CNTN6: variants seen among roughly 807,000 people sequenced by gnomAD.
The protein encoded by CNTN6 is contactin 6.
Under a neutral mutation model 122.8 loss-of-function variants are expected in CNTN6, and 137 were observed. That is an observed-to-expected ratio of 1.12 (90% CI 0.97 to 1.29). CNTN6 has a LOEUF of 1.29. Among genes scored for constraint, CNTN6 ranks in the 50% most tolerant of loss-of-function variants. The pLI, the probability that CNTN6 is intolerant of heterozygous loss-of-function variation, is 0.00. For missense variants in CNTN6, 1,634 were observed against 1,223.4 expected (o/e 1.34, Z -5.01); for synonymous variants, 570 against 426.0 (o/e 1.34, Z -4.16).
chr3:1,315,252 A>C (rs946770813), intron 7 of CNTN6, among the ~76,000 whole-genome samples: 1 of 151,988 alleles, frequency 6.6e-6, no homozygotes, highest in Non-Finnish European at 1.5e-5. Flanking sequence ...TTGAAGCAAA[A>C]CGAACTCCTA....
chr3:1,354,838 CT>C (rs1706292880), intron 12 of CNTN6, among the ~76,000 whole-genome samples: 1 of 151,382 alleles, frequency 6.6e-6, no homozygotes, highest in Non-Finnish European at 1.5e-5. Flanking sequence ...AAAAACCAAC[CT>C]TTTTACATGC....
At chr3:1,363,029 C>T (rs969940761) in intron 12 of CNTN6, among the ~76,000 whole-genome samples, 1 of 151,648 alleles carries the variant, frequency 6.6e-6, no homozygotes, top group Non-Finnish European at 1.5e-5. Context: ...ATTTAAAAAT[C>T]CCCCCAAATA....
chr3:1,193,049 T>A (rs1244576544), intron 2 of CNTN6, among the ~76,000 whole-genome samples: 1 of 152,212 alleles, frequency 6.6e-6, no homozygotes, highest in Non-Finnish European at 1.5e-5. Flanking sequence ...TACATTAGTA[T>A]GTTACATGTA....
chr3:1,244,634 T>C (rs112004619), intron 4 of CNTN6, among the ~76,000 whole-genome samples: 6,625 of 147,618 alleles, frequency 0.045, 311 homozygotes, highest in East Asian at 0.12. Context: ...CATGCGTGTC[T>C]GTGTGAAGAG....
intron 11 of CNTN6, among the ~76,000 whole-genome samples, chr3:1,338,046 C>G (rs965217733): frequency 1.3e-5 from 2 of 152,106 alleles, no homozygotes; most frequent in Non-Finnish European, 2.9e-5. Context: ...GCCTGCCTAA[C>G]TCAATGTACG....
At chr3:1,129,342 G>A (rs576826105) in intron 1 of CNTN6, among the ~76,000 whole-genome samples, 1 of 152,138 alleles carries the variant, frequency 6.6e-6, no homozygotes, top group South Asian at 2.1e-4. Flanking sequence ...TATTGCATCT[G>A]GGTAATCCTC....
intron 4 of CNTN6, among the ~76,000 whole-genome samples, chr3:1,250,425 C>T (rs1477831469): frequency 6.6e-6 from 1 of 152,112 alleles, no homozygotes; most frequent in Non-Finnish European, 1.5e-5. Context: ...ATAAAATTGT[C>T]CTCCCCTGAG....
intron 4 of CNTN6, among the ~76,000 whole-genome samples, chr3:1,251,250 A>G (rs185584110): frequency 3.3e-5 from 5 of 152,262 alleles, no homozygotes; most frequent in African/African-American, 9.6e-5. Flanking sequence ...GACTTTGTCA[A>G]TGTCTAAAGT....
In CNTN6 at chr3:1,286,794, C is replaced by A. The variant is rs569342899; in HGVS notation, c.454+8286C>A. ...TGTATTCAGTATCTCACATGGAGAC[C>A]CATCTCACATGCAAAGACACATAGG... On this transcript the variant is annotated intron_variant, in intron 5 of 22. Transcript: ENST00000446702. Among the ~76,000 whole-genome samples, 5 of 152,126 alleles carry A rather than the reference C, an allele frequency of 3.3e-5. No individual in the cohort carries two copies. The South Asian group carries it at 8.3e-4, about 25-fold the overall frequency.
Position 1,235,574 on chromosome 3 carries a change from G to A in CNTN6, c.358+7581G>A, listed in dbSNP as rs1160654460. ...AGGTGTTTAAATAGCAAATACAGGA[G>A]AGAAGATGGCGGATAAGCAGCAAGA... is the stretch of plus-strand genomic sequence containing the variant. On this transcript the variant is annotated intron_variant, in intron 4 of 22. Coordinates refer to ENST00000446702, the MANE Select transcript of CNTN6 (RefSeq NM_001289080.2). Among the ~76,000 whole-genome samples the A allele has an allele frequency of 5.9e-5, 9 of 152,138 alleles. 1 individual carries two copies. Among genetic ancestry groups the A allele is most frequent in the African/African-American group, 2.4e-5 (1 of 41,438 alleles).
chr3:1,204,315 T>A (rs1404567692), intron 2 of CNTN6, among the ~76,000 whole-genome samples: 1 of 152,184 alleles, frequency 6.6e-6, no homozygotes, highest in Non-Finnish European at 1.5e-5. Flanking sequence ...TTAGTTGTTT[T>A]GTGTACTTGA....
intron 12 of CNTN6, among the ~76,000 whole-genome samples, chr3:1,359,338 T>C (rs1707109657): frequency 6.6e-6 from 1 of 152,086 alleles, no homozygotes; most frequent in Non-Finnish European, 1.5e-5. Context: ...TGTGTTTACA[T>C]TTTACAATAT....
intron 4 of CNTN6, among the ~76,000 whole-genome samples, chr3:1,268,560 TTGAGC>T (rs1288150389): frequency 1.1e-4 from 15 of 135,370 alleles, no homozygotes; most frequent in South Asian, 2.5e-4. Context: ...TGAGCCGAGA[TTGAGC>T]CACTGCACTC....
intron 20 of CNTN6, among the ~76,000 whole-genome samples, chr3:1,398,669 T>G (rs1695283238): frequency 3.9e-5 from 6 of 152,052 alleles, no homozygotes; most frequent in Non-Finnish European, 1.5e-5. Context: ...ATGAGGAATA[T>G]TTCATATTTT....
intron 3 of CNTN6, among the ~76,000 whole-genome samples, chr3:1,224,061 T>C (rs1244155922): frequency 6.6e-6 from 1 of 152,206 alleles, no homozygotes; most frequent in Non-Finnish European, 1.5e-5. Flanking sequence ...AAATTCAGTG[T>C]ACATCACAAT....
intron 17 of CNTN6, among the ~76,000 whole-genome samples, 186 bp downstream of exon 17, chr3:1,377,261 A>G (rs1033590972): frequency 6.6e-6 from 1 of 152,194 alleles, no homozygotes; most frequent in African/African-American, 2.4e-5. Flanking sequence ...GTGAGACAGT[A>G]TGACGAACTC....
At chr3:1,319,627 A>T (rs1463467606) in intron 7 of CNTN6, among the ~76,000 whole-genome samples, 1 of 151,578 alleles carries the variant, frequency 6.6e-6, no homozygotes, top group Non-Finnish European at 1.5e-5. Context: ...TTTTAGATTA[A>T]AAGCCTTTTC....
rs537792090 is a variant in CNTN6 at position 1,331,838 on chromosome 3, G to GA, written c.1364+1913dup. On this transcript the variant is annotated intron_variant, in intron 11 of 22. Transcript: ENST00000446702. ...AGTAAAGCTAAGATAATGAGAGAGA[G>GA]AAAAAAAAAAGCTAAGATAATAAGA... Among the ~76,000 whole-genome samples, 1,415 of 141,628 alleles carry GA rather than the reference G, an allele frequency of 1.0e-2. 19 individuals carry two copies. Among genetic ancestry groups the GA allele is most frequent in the African/African-American group, 0.034 (1,326 of 38,692 alleles). 92.9% of individuals were successfully genotyped at this position (141,628 alleles called of 152,430 possible). A position where few individuals can be genotyped will look rare whatever the true frequency, so the allele number is the denominator to read the frequency against.
intron 20 of CNTN6, among the ~76,000 whole-genome samples, chr3:1,391,804 A>C (rs577545885): frequency 6.6e-6 from 1 of 151,096 alleles, no homozygotes; most frequent in Admixed American, 6.6e-5. Context: ...TCCCATTCAC[A>C]ATTGCTTCAA....
Sources: gnomAD v4.1 joint callset for allele counts (sites outside exome capture counted in the v4.1 genomes callset) on GRCh38, gnomAD v4.1.1 for gene constraint, MANE v1.5 for transcripts, NCBI Gene and HGNC (gene_info 2026-07-23, HGNC 2026-07-21) for gene names.